The following CAMK2D variants were observed in gnomAD, a reference collection of about 807,000 sequenced individuals.
CAMK2D encodes calcium/calmodulin-dependent protein kinase type II subunit delta.
Under a neutral mutation model 84.0 loss-of-function variants are expected in CAMK2D, and 37 were observed. The ratio of observed to expected loss-of-function variants is 0.44; its 90% CI spans 0.34 to 0.58. CAMK2D has a LOEUF of 0.58. CAMK2D is among the 20% of genes least tolerant of loss of function. CAMK2D has a pLI of 0.02. For synonymous variants in CAMK2D, 202 were observed against 212.5 expected, an observed-to-expected ratio of 0.95 and a Z score of 0.43; for missense variants, 448 against 652.5, an observed-to-expected ratio of 0.69 and a Z score of 3.41.
intron 16 of CAMK2D, among the ~76,000 whole-genome samples, chr4:113,487,936 T>C (rs1447015166): frequency 1.3e-5 from 2 of 152,062 alleles, no homozygotes; most frequent in African/African-American, 2.4e-5. Flanking sequence ...AAGTCTGTAT[T>C]ATTGATTTCA....
intron 2 of CAMK2D, among the ~76,000 whole-genome samples, chr4:113,669,997 A>G (rs2099273424): frequency 6.6e-6 from 1 of 152,108 alleles, no homozygotes; most frequent in South Asian, 2.1e-4. Flanking sequence ...TAAAACTATT[A>G]TGGCTGGGTG....
chr4:113,758,881 A>C (rs1039555013), intron 2 of CAMK2D, among the ~76,000 whole-genome samples: 1 of 152,226 alleles, frequency 6.6e-6, no homozygotes. Context: ...TACCTTGATG[A>C]ATTAAGTTCA....
chr4:113,703,156 C>T (rs371710478), intron 2 of CAMK2D, among the ~76,000 whole-genome samples: 2 of 152,048 alleles, frequency 1.3e-5, no homozygotes, highest in African/African-American at 2.4e-5. Context: ...TTGATTTGTG[C>T]TAAATATGAG....
intron 7 of CAMK2D, 105 bp from the exon 8 acceptor site, chr4:113,531,404 T>C (rs1396922357): frequency 1.0e-5 from 7 of 690,170 alleles, no homozygotes; most frequent in Non-Finnish European, 1.9e-5. Flanking sequence ...TGATTATATG[T>C]TTTTCAAAAC....
intron 3 of CAMK2D, among the ~76,000 whole-genome samples, chr4:113,612,948 C>T (rs899461054): frequency 2.0e-4 from 30 of 152,222 alleles, no homozygotes; most frequent in African/African-American, 6.7e-4. Context: ...TCTTCCTGTT[C>T]TGTGTTCTTG....
chr4:113,523,765 C>T (rs2098392100), intron 8 of CAMK2D, among the ~76,000 whole-genome samples: 1 of 151,808 alleles, frequency 6.6e-6, no homozygotes, highest in Non-Finnish European at 1.5e-5. Flanking sequence ...GAGCCAGACC[C>T]TGTCTCGAAA....
At chr4:113,595,815 G>A (rs1561233351) in intron 4 of CAMK2D, among the ~76,000 whole-genome samples, 1 of 152,146 alleles carries the variant, frequency 6.6e-6, no homozygotes, top group Non-Finnish European at 1.5e-5. Context: ...CCTTTTTACT[G>A]GTGGAGGTTC....
In CAMK2D at chr4:113,675,127, C is replaced by A. The variant is rs1288881449; in HGVS notation, c.161-13355G>T. Among the ~76,000 whole-genome samples, 39 of 152,174 alleles carry A rather than the reference C, an allele frequency of 2.6e-4. 1 individual carries two copies. Among genetic ancestry groups the A allele is most frequent in the Admixed American group, 2.6e-3 (39 of 15,272 alleles). On this transcript the variant is annotated intron_variant, in intron 2 of 20. Coordinates refer to ENST00000511664, the MANE Select transcript of CAMK2D (RefSeq NM_001321571.2). The stretch of plus-strand genomic sequence containing the variant: ...AGCCTAATTCCTGACTTTTCCCCTA[C>A]CCTTGTTTTACCTTTTCCTTTCACC...
chr4:113,693,224 A>G (rs1429383116), intron 2 of CAMK2D, among the ~76,000 whole-genome samples: 1 of 152,182 alleles, frequency 6.6e-6, no homozygotes, highest in African/African-American at 2.4e-5. Flanking sequence ...TGGTTTCATT[A>G]CGTTGTCAGA....
intron 16 of CAMK2D, among the ~76,000 whole-genome samples, chr4:113,497,153 G>T (rs72678718): frequency 0.022 from 3,336 of 151,414 alleles, 58 homozygotes; most frequent in Middle Eastern, 0.034. Flanking sequence ...TATATGTTGG[G>T]TTTCACTAAT....
At chr4:113,710,170 C>T (rs2099487627) in intron 2 of CAMK2D, among the ~76,000 whole-genome samples, 1 of 151,992 alleles carries the variant, frequency 6.6e-6, no homozygotes, top group East Asian at 1.9e-4. Flanking sequence ...CAAAAGCTCT[C>T]AATGACATAT....
intron 2 of CAMK2D, among the ~76,000 whole-genome samples, chr4:113,702,852 T>C (rs148463126): frequency 1.4e-4 from 21 of 152,290 alleles, no homozygotes; most frequent in African/African-American, 5.1e-4. Flanking sequence ...TGAGCTGTGA[T>C]TGTGCAACTG....
intron 4 of CAMK2D, among the ~76,000 whole-genome samples, chr4:113,590,348 G>A (rs1044083523): frequency 1.3e-5 from 2 of 152,082 alleles, no homozygotes; most frequent in Non-Finnish European, 2.9e-5. Flanking sequence ...GCAATTAAAT[G>A]GAAATATATC....
chr4:113,529,119 C>T (rs1590782004), intron 8 of CAMK2D, among the ~76,000 whole-genome samples: 1 of 152,214 alleles, frequency 6.6e-6, no homozygotes, highest in East Asian at 1.9e-4. Flanking sequence ...GAAACCAACT[C>T]AGATATATTA....
chr4:113,613,050 T>G (rs1167116954), intron 3 of CAMK2D, among the ~76,000 whole-genome samples: 1 of 152,162 alleles, frequency 6.6e-6, no homozygotes, highest in Non-Finnish European at 1.5e-5. Context: ...GAAATTTTAA[T>G]TAAATATGAT....
intron 3 of CAMK2D, among the ~76,000 whole-genome samples, chr4:113,637,177 G>A (rs566622346): frequency 6.6e-6 from 1 of 152,074 alleles, no homozygotes; most frequent in African/African-American, 2.4e-5. Flanking sequence ...GCAGTATAAG[G>A]GCAAAGAATT....
chr4:113,609,222 A>G lies in CAMK2D; in HGVS notation c.221-16T>C, dbSNP rs1054912613. ...TGAAGTCGCACTAGAAAAAAATAAG[A>G]GAAGAAAAATTGTGTTATACCTATT... On this transcript the variant is annotated splice_polypyrimidine_tract_variant and intron_variant, in intron 3 of 20. Coordinates refer to ENST00000511664, the MANE Select transcript of CAMK2D (RefSeq NM_001321571.2). The G allele has an allele frequency of 1.0e-5, 15 of 1,493,096 alleles. No homozygotes were observed. Among genetic ancestry groups the G allele is most frequent in the Non-Finnish European group, 1.3e-5 (14 of 1,070,208 alleles). 92.5% of individuals were successfully genotyped at this position (1,493,096 alleles called of 1,614,324 possible).
At chr4:113,551,698 C>T (rs1332641167) in intron 5 of CAMK2D, among the ~76,000 whole-genome samples, 1 of 152,116 alleles carries the variant, frequency 6.6e-6, no homozygotes, top group East Asian at 1.9e-4. Flanking sequence ...CTACTGGCTA[C>T]CACTGGGCAA....
intron 4 of CAMK2D, among the ~76,000 whole-genome samples, chr4:113,605,905 TCAGGATATAA>T (rs1280527777): frequency 6.6e-6 from 1 of 152,006 alleles, no homozygotes; most frequent in Admixed American, 6.5e-5. Context: ...CCCCAAATGT[TCAGGATATAA>T]TCCAAAAATC....
Sources: allele counts gnomAD v4.1 joint callset (sites outside exome capture counted in the v4.1 genomes callset), GRCh38; gene constraint gnomAD v4.1.1; transcripts MANE v1.5; gene names NCBI Gene and HGNC (gene_info 2026-07-23, HGNC 2026-07-21).